SLC25A3: variants seen among roughly 807,000 people sequenced by gnomAD.
SLC25A3 encodes solute carrier family 25 member 3.
Under a neutral mutation model 37.1 loss-of-function variants are expected in SLC25A3, and 14 were observed. That is an observed-to-expected ratio of 0.38 (90% CI 0.25 to 0.59). The LOEUF (loss-of-function observed/expected upper bound fraction) is 0.59. Among genes scored for constraint, SLC25A3 ranks in the 20% least tolerant of loss-of-function variants. The pLI, the probability that SLC25A3 is intolerant of heterozygous loss-of-function variation, is 0.67. For synonymous variants in SLC25A3, 161 were observed against 168.7 expected (o/e 0.95, Z 0.36); for missense variants, 385 against 458.1 (o/e 0.84, Z 1.46).
chr12:98,598,192 G>A, intron 4 of SLC25A3, 157 bp downstream of exon 4: 1 of 719,552 alleles, frequency 1.4e-6, no homozygotes. Flanking sequence ...AGCAGAGACA[G>A]GTTGATAAAT....
chr12:98,599,596 C>T (rs1285029812), intron 5 of SLC25A3: 2 of 512,590 alleles, frequency 3.9e-6, no homozygotes, highest in Admixed American at 2.0e-5. Context: ...TTGTTAGTAT[C>T]CTTGTGATCT....
At chr12:98,598,378 G>C in intron 4 of SLC25A3, 144 bp from the exon 5 acceptor site, 1 of 1,256,618 alleles carries the variant, frequency 8.0e-7, no homozygotes, top group Non-Finnish European at 1.1e-6. Context: ...TTGTTAATGA[G>C]GTTATGAGAC....
At chr12:98,593,918 C>T in intron 1 of SLC25A3, 57 bp from the exon 2 acceptor site, 1 of 1,607,036 alleles carries the variant, frequency 6.2e-7, no homozygotes. Flanking sequence ...TCCAGGGCGC[C>T]GGTAACGTTA....
In SLC25A3 at chr12:98,604,862, A is replaced by T. The variant is rs992993695; in HGVS notation, c.*3334A>T. ...CTGCAGCCTCGATCTCCCAAGCTCA[A>T]GTGATCCTCCCACCTCAGCCTCTTG... On this transcript the variant is annotated 3_prime_UTR_variant, in exon 8 of 8. Coordinates refer to ENST00000552981, the MANE Select transcript of SLC25A3 (RefSeq NM_002635.4). 1.3e-5 allele frequency: 2 copies of T among 152,698 alleles called. No homozygotes were observed. The highest frequency in any genetic ancestry group is 4.8e-5 in the African/African-American group (2 of 41,462). The allele number at this position is 152,698 out of a possible 1,614,324, so 9.5% of individuals were successfully genotyped here. A position where few individuals can be genotyped will look rare whatever the true frequency, so the allele number is the denominator to read the frequency against.
intron 3 of SLC25A3, among the ~76,000 whole-genome samples, chr12:98,596,212 T>C (rs1232213132): frequency 3.3e-5 from 5 of 152,232 alleles, no homozygotes; most frequent in Non-Finnish European, 7.3e-5. Context: ...CTTTATCTAC[T>C]AATAAGACCA....
Position 98,593,748 on chromosome 12 carries a change from T to G in SLC25A3, c.-5+8T>G. 5.0e-6 allele frequency: 3 copies of G among 603,942 alleles called. No individual in the cohort carries two copies. The highest frequency in any genetic ancestry group is 8.8e-6 in the Non-Finnish European group (3 of 339,038). The allele number at this position is 603,942 out of a possible 1,614,324, so 37.4% of individuals were successfully genotyped here. On this transcript the variant is annotated splice_region_variant and intron_variant, in intron 1 of 7. Transcript: ENST00000552981. ...TGATCGCCATCTTAGGGAGTGAGTG[T>G]GGCCGGGCCTTCTCCTGTGGCGGGT... is the stretch of plus-strand genomic sequence containing the variant.
rs1028090608 is a variant in SLC25A3 at position 98,605,416 on chromosome 12, AAGT to A, written c.*3890_*3892del. ...AGAGTGAAACCCTGTCTCAAAAAAAAAGTAACATTTCTATATGATTTTTGGGAT... is the reference window on the plus strand; with the variant it reads ...AGAGTGAAACCCTGTCTCAAAAAAAAAACATTTCTATATGATTTTTGGGAT... On this transcript the variant is annotated 3_prime_UTR_variant, in exon 8 of 8. Coordinates refer to ENST00000552981, the MANE Select transcript of SLC25A3 (RefSeq NM_002635.4). 1.3e-5 allele frequency: 2 copies of A among 150,764 alleles called. No homozygotes were observed. Among genetic ancestry groups the A allele is most frequent in the African/African-American group, 2.4e-5 (1 of 40,994 alleles). The allele number at this position is 150,764 out of a possible 1,614,324, so 9.3% of individuals were successfully genotyped here.
intron 2 of SLC25A3, chr12:98,594,556 TA>T (rs1464705024): frequency 1.7e-6 from 1 of 589,106 alleles, no homozygotes; most frequent in African/African-American, 1.9e-5. Context: ...TCCTAAGTTT[TA>T]TATTTGTCGA....
At chr12:98,598,085 G>T in intron 4 of SLC25A3, 50 bp downstream of exon 4, 1 of 1,594,034 alleles carries the variant, frequency 6.3e-7, no homozygotes, top group African/African-American at 1.3e-5. Context: ...AAGACTTTCC[G>T]AGTGTTCTTA....
chr12:98,600,072 C>T lies in SLC25A3; in HGVS notation c.759C>T (p.Arg253=), dbSNP rs768057853. ...ACAAGTTTGTGGTTCCTAAGCCCCG[C>T]AGTGAATGTTCAAAGCCAGAGCAGC... The part of the protein sequence containing the change: ...ALYKFVVPKP[R]SECSKPEQLV... The change falls in exon 6 of 8, where the codon CGC becomes CGT. Residue 253 remains arginine, a synonymous_variant. Coordinates refer to ENST00000552981, the MANE Select transcript of SLC25A3 (RefSeq NM_002635.4). The T allele has an allele frequency of 6.2e-7, 1 of 1,614,038 alleles. No homozygotes were observed. The highest frequency in any genetic ancestry group is 1.7e-5 in the Admixed American group (1 of 60,002).
At chr12:98,600,156 G>A in intron 6 of SLC25A3, 29 bp downstream of exon 6, 1 of 1,355,110 alleles carries the variant, frequency 7.4e-7, no homozygotes, top group Non-Finnish European at 1.1e-6. Flanking sequence ...ACACTTGTCT[G>A]AAATTATGAA....
chr12:98,601,145 G>C, intron 6 of SLC25A3, 26 bp from the exon 7 acceptor site: 1 of 1,610,148 alleles, frequency 6.2e-7, no homozygotes, highest in African/African-American at 1.3e-5. Flanking sequence ...AACTGGCACT[G>C]TATGGGATCC....
chr12:98,595,684 G>A, intron 2 of SLC25A3, 43 bp from the exon 3 acceptor site: 1 of 1,614,108 alleles, frequency 6.2e-7, no homozygotes, highest in South Asian at 1.1e-5. Flanking sequence ...CCAGTAACAT[G>A]AGTTTTATAT....
At chr12:98,595,211 A>C (rs1375915077) in intron 2 of SLC25A3, 2 of 559,148 alleles carry the variant, frequency 3.6e-6, no homozygotes, top group African/African-American at 3.8e-5. Flanking sequence ...AAAAAAATTA[A>C]TATGGCAGAA....
chr12:98,600,946 A>T, intron 6 of SLC25A3: 2 of 467,580 alleles, frequency 4.3e-6, no homozygotes, highest in Non-Finnish European at 7.6e-6. Flanking sequence ...GTTGTTGTTT[A>T]TTAAGAATTT....
At chr12:98,594,258 C>A in intron 2 of SLC25A3, 123 bp downstream of exon 2, 1 of 842,526 alleles carries the variant, frequency 1.2e-6, no homozygotes, top group Non-Finnish European at 2.0e-6. Context: ...CGTAGGACGG[C>A]GCCCAGTTGC....
At chr12:98,597,769 G>A in intron 3 of SLC25A3, 87 bp from the exon 4 acceptor site, 1 of 1,548,712 alleles carries the variant, frequency 6.5e-7, no homozygotes, top group Non-Finnish European at 8.8e-7. Context: ...AATTTATTAT[G>A]GAACCCAAAC....
intron 6 of SLC25A3, 63 bp downstream of exon 6, chr12:98,600,190 C>A: frequency 8.3e-7 from 1 of 1,211,570 alleles, no homozygotes; most frequent in Non-Finnish European, 1.2e-6. Flanking sequence ...CCATTATTGG[C>A]GTTTTTTGAG....
rs1368468942 is a variant in SLC25A3, at chr12:98,604,854, C to T, written c.*3326C>T. 1 of 152,596 alleles carries T rather than the reference C, an allele frequency of 6.6e-6. No homozygotes were observed. The highest frequency in any genetic ancestry group is 2.4e-5 in the African/African-American group (1 of 41,418). 9.5% of individuals were successfully genotyped at this position (152,596 alleles called of 1,614,324 possible). Reference sequence around the variant, plus strand: ...ATAGCTCACTGCAGCCTCGATCTCCCAAGCTCAAGTGATCCTCCCACCTCA... The same window carrying T: ...ATAGCTCACTGCAGCCTCGATCTCCTAAGCTCAAGTGATCCTCCCACCTCA... On this transcript the variant is annotated 3_prime_UTR_variant, in exon 8 of 8. Coordinates refer to ENST00000552981, the MANE Select transcript of SLC25A3 (RefSeq NM_002635.4).
Sources: allele counts gnomAD v4.1 joint callset (sites outside exome capture counted in the v4.1 genomes callset), GRCh38; gene constraint gnomAD v4.1.1; transcripts MANE v1.5; gene names NCBI Gene and HGNC (gene_info 2026-07-23, HGNC 2026-07-21).